The following IMPG2 variants were observed in gnomAD, a reference collection of about 807,000 sequenced individuals.
IMPG2 encodes IPM 200.
In IMPG2, 91 loss-of-function variants were observed where a neutral mutation model predicts 129.2. The ratio of observed to expected loss-of-function variants is 0.70; its 90% CI spans 0.59 to 0.84. IMPG2 has a LOEUF of 0.84. Among genes scored for constraint, IMPG2 ranks in the 40% least tolerant of loss-of-function variants. The pLI is 0.00. For missense variants in IMPG2, 1,430 were observed against 1,461.7 expected (o/e 0.98, Z 0.35); for synonymous variants, 510 against 517.7 (o/e 0.99, Z 0.20).
chr3:101,264,134 CACTGAATTCT>C (rs1203185632), intron 9 of IMPG2, among the ~76,000 whole-genome samples: 1 of 151,942 alleles, frequency 6.6e-6, no homozygotes, highest in Non-Finnish European at 1.5e-5. Context: ...ATTGCTTCAC[CACTGAATTCT>C]ACAGAATCTT....
chr3:101,281,214 G>C (rs966914212), intron 4 of IMPG2, among the ~76,000 whole-genome samples: 2 of 152,188 alleles, frequency 1.3e-5, no homozygotes, highest in African/African-American at 2.4e-5. Context: ...CAGATGGCAG[G>C]AGTTTAAGGA....
chr3:101,307,757 T>A (rs570402720), intron 2 of IMPG2, among the ~76,000 whole-genome samples: 1 of 152,172 alleles, frequency 6.6e-6, no homozygotes, highest in East Asian at 1.9e-4. Flanking sequence ...CCAAATCTCA[T>A]GTCCTCACAT....
intron 3 of IMPG2, 145 bp from the exon 4 acceptor site, chr3:101,291,655 G>C (rs538834): frequency 2.9e-6 from 2 of 677,996 alleles, no homozygotes; most frequent in African/African-American, 3.6e-5. Flanking sequence ...GATTAAAACA[G>C]GTAATAATGA....
intron 4 of IMPG2, among the ~76,000 whole-genome samples, chr3:101,282,258 C>T (rs747544734): frequency 1.1e-4 from 16 of 152,110 alleles, no homozygotes; most frequent in South Asian, 2.1e-4. Context: ...AATATTCAAG[C>T]GGAGAAAGAT....
chr3:101,310,095 G>C (rs551395), intron 2 of IMPG2, among the ~76,000 whole-genome samples: 1 of 152,122 alleles, frequency 6.6e-6, no homozygotes, highest in Non-Finnish European at 1.5e-5. Flanking sequence ...GTTGGGGTTA[G>C]TGTGTATTAG....
At chr3:101,273,811 G>A in intron 6 of IMPG2, 69 bp from the exon 7 acceptor site, 1 of 1,427,570 alleles carries the variant, frequency 7.0e-7, no homozygotes, top group Non-Finnish European at 9.8e-7. Flanking sequence ...TTTATTGATT[G>A]TTTCAATGTG....
Position 101,223,526 on chromosome 3 carries a change from T to C in IMPG2, c.*3443A>G, listed in dbSNP as rs1395412199. 1 of 152,024 alleles carries C rather than the reference T, an allele frequency of 6.6e-6. No individual in the cohort carries two copies. Among genetic ancestry groups the C allele is most frequent in the South Asian group, 2.1e-4 (1 of 4,822 alleles). The allele number at this position is 152,024 out of a possible 1,614,324, so 9.4% of individuals were successfully genotyped here. The stretch of plus-strand genomic sequence containing the variant: ...CCCATTGCTGAAAACAGAAATAACA[T>C]AAAGCTACCAAAAAAATCATGAAAT... On this transcript the variant is annotated 3_prime_UTR_variant, in exon 19 of 19. Transcript: ENST00000193391.
At chr3:101,314,531 A>G (rs933661023) in intron 2 of IMPG2, among the ~76,000 whole-genome samples, 3 of 152,078 alleles carry the variant, frequency 2.0e-5, no homozygotes, top group South Asian at 4.1e-4. Flanking sequence ...ACTCTGATTC[A>G]TTGGAAAATG....
rs146835573 is a variant in IMPG2, at chr3:101,240,325, C to T, written c.3022+2363G>A. Among the ~76,000 whole-genome samples, 781 of 152,180 alleles carry T rather than the reference C, an allele frequency of 5.1e-3. 5 individuals carry two copies. The highest frequency in any genetic ancestry group is 0.018 in the African/African-American group (759 of 41,518). On this transcript the variant is annotated intron_variant, in intron 14 of 18. Transcript: ENST00000193391. ...GTAGAGATGGAGACTCACTATGTTG[C>T]TTAGGCTGGTCTCAAACTCATGGCC...
At chr3:101,313,200 G>T (rs1054415402) in intron 2 of IMPG2, among the ~76,000 whole-genome samples, 3 of 152,062 alleles carry the variant, frequency 2.0e-5, no homozygotes, top group Non-Finnish European at 2.9e-5. Context: ...TGACAAGAAG[G>T]TTCAACTAAC....
chr3:101,232,185 G>T lies in IMPG2; in HGVS notation c.3233+596C>A, dbSNP rs1277148289. On this transcript the variant is annotated intron_variant, in intron 15 of 18. Transcript: ENST00000193391. ...TCACCATTAAAAACTACAATACAAAGATCTCCATCTGCTCCAAGTAGTCTC... is the reference window on the plus strand; with the variant it reads ...TCACCATTAAAAACTACAATACAAATATCTCCATCTGCTCCAAGTAGTCTC... 2.0e-5 allele frequency among the ~76,000 whole-genome samples: 3 copies of T among 151,404 alleles called. No individual in the cohort carries two copies. In the East Asian group the frequency reaches 5.8e-4, roughly 29 times the overall value.
chr3:101,276,620 T>A lies in IMPG2; in HGVS notation c.583+44A>T, dbSNP rs754013099. ...TTGTTTGTGAGCCTGTCTTAAACCA[T>A]AAATAATTTTAAAAGAAAAGTGAAT... On this transcript the variant is annotated intron_variant, in intron 5 of 18. Coordinates refer to ENST00000193391, the MANE Select transcript of IMPG2 (RefSeq NM_016247.4). 4.5e-6 allele frequency: 6 copies of A among 1,345,842 alleles called. No individual in the cohort carries two copies. The East Asian group carries it at 1.4e-4, about 31-fold the overall frequency. The allele number at this position is 1,345,842 out of a possible 1,614,324, so 83.4% of individuals were successfully genotyped here.
At chr3:101,273,091 A>G (rs566436855) in intron 7 of IMPG2, among the ~76,000 whole-genome samples, 1 of 152,312 alleles carries the variant, frequency 6.6e-6, no homozygotes, top group African/African-American at 2.4e-5. Flanking sequence ...ACCTCCAACC[A>G]AGGATAGGAG....
At chr3:101,232,676 A>T in intron 15 of IMPG2, 105 bp downstream of exon 15, 1 of 934,742 alleles carries the variant, frequency 1.1e-6, no homozygotes, top group Non-Finnish European at 1.7e-6. Context: ...TATAACTTCT[A>T]TAATGCATAC....
chr3:101,279,961 C>T (rs1016288423), intron 4 of IMPG2, among the ~76,000 whole-genome samples: 2 of 152,102 alleles, frequency 1.3e-5, no homozygotes, highest in African/African-American at 4.8e-5. Flanking sequence ...TTAAGTATTC[C>T]CCCTGCAGAG....
At chr3:101,229,320 G>GGGGCCCCC in intron 17 of IMPG2, 60 bp downstream of exon 17, 2 of 519,340 alleles carry the variant, frequency 3.9e-6, no homozygotes. Context: ...ACCACCCCCT[G>GGGGCCCCC]CTCCCCCACA....
intron 9 of IMPG2, among the ~76,000 whole-genome samples, chr3:101,258,234 G>A (rs937806442): frequency 6.6e-6 from 1 of 151,936 alleles, no homozygotes; most frequent in Non-Finnish European, 1.5e-5. Context: ...TATTTATTGT[G>A]GTAGGAAAAT....
intron 7 of IMPG2, among the ~76,000 whole-genome samples, chr3:101,269,803 A>T (rs919300647): frequency 3.3e-5 from 5 of 151,518 alleles, no homozygotes; most frequent in African/African-American, 4.9e-5. Context: ...TTTAATATTA[A>T]TTTTTCCAAA....
At chr3:101,260,988 C>T (rs918145903) in intron 9 of IMPG2, among the ~76,000 whole-genome samples, 1 of 152,142 alleles carries the variant, frequency 6.6e-6, no homozygotes, top group African/African-American at 2.4e-5. Context: ...CATGATATGC[C>T]TGACTTAATC....
Sources: gnomAD v4.1 joint callset for allele counts (sites outside exome capture counted in the v4.1 genomes callset) on GRCh38, gnomAD v4.1.1 for gene constraint, MANE v1.5 for transcripts, NCBI Gene and HGNC (gene_info 2026-07-23, HGNC 2026-07-21) for gene names.